Variants in TTC17 observed in about 807,000 individuals in gnomAD.
TTC17 encodes tetratricopeptide repeat protein 17.
TTC17 carries 58 observed loss-of-function variants against 143.8 expected under a neutral mutation model. The observed-to-expected ratio is 0.40, with a 90% CI of 0.33 to 0.50. TTC17 has a LOEUF of 0.50. Among genes scored for constraint, TTC17 ranks in the 20% least tolerant of loss-of-function variants. TTC17 has a pLI of 0.49. For synonymous variants in TTC17, 501 were observed against 497.8 expected, an observed-to-expected ratio of 1.01 and a Z score of -0.09; for missense variants, 1,273 against 1,392.5, an observed-to-expected ratio of 0.91 and a Z score of 1.37.
At chr11:43,474,991 CA>C (rs1162504571) in intron 21 of TTC17, among the ~76,000 whole-genome samples, 2 of 151,976 alleles carry the variant, frequency 1.3e-5, no homozygotes, top group Admixed American at 6.6e-5. Context: ...CTTGCTGTTT[CA>C]GGGGTATTAG....
At chr11:43,420,089 A>G (rs1432836291) in intron 16 of TTC17, among the ~76,000 whole-genome samples, 1 of 152,222 alleles carries the variant, frequency 6.6e-6, no homozygotes, top group Non-Finnish European at 1.5e-5. Flanking sequence ...TATCTTTAAC[A>G]TGTATTTAAC....
rs553752621 is a variant in TTC17, at chr11:43,472,957, C to T, written c.3031-17282C>T. Among the ~76,000 whole-genome samples, 3 of 151,966 alleles carry T rather than the reference C, an allele frequency of 2.0e-5. No homozygotes were observed. The East Asian group carries it at 5.8e-4, about 29-fold the overall frequency. ...TGGGAGGCCAAGACCTGCAGATCACCTGAGGTCAGGAGATCGAGACCAGCC... is the reference window on the plus strand; with the variant it reads ...TGGGAGGCCAAGACCTGCAGATCACTTGAGGTCAGGAGATCGAGACCAGCC... On this transcript the variant is annotated intron_variant, in intron 21 of 23. Transcript: ENST00000039989.
chr11:43,427,776 C>G (rs747088050), intron 16 of TTC17, among the ~76,000 whole-genome samples: 1 of 152,242 alleles, frequency 6.6e-6, no homozygotes, highest in East Asian at 1.9e-4. Context: ...CTCCTAGCTC[C>G]TTGAGTACAG....
chr11:43,375,801 T>C (rs1856744545), intron 1 of TTC17, among the ~76,000 whole-genome samples: 1 of 152,194 alleles, frequency 6.6e-6, no homozygotes, highest in African/African-American at 2.4e-5. Flanking sequence ...ATCAAAAATG[T>C]TTATACTCTT....
chr11:43,390,970 T>C (rs1857362632), intron 3 of TTC17, among the ~76,000 whole-genome samples: 1 of 152,228 alleles, frequency 6.6e-6, no homozygotes, highest in Admixed American at 6.5e-5. Flanking sequence ...CTATTTTCCC[T>C]GTGATTCTTG....
chr11:43,366,393 C>G (rs1397082563), intron 1 of TTC17, among the ~76,000 whole-genome samples: 2 of 151,748 alleles, frequency 1.3e-5, no homozygotes, highest in Admixed American at 6.6e-5. Context: ...GTAATCAAAG[C>G]TACTCGGGAG....
chr11:43,439,470 G>T (rs570175322), intron 16 of TTC17, among the ~76,000 whole-genome samples: 171 of 137,898 alleles, frequency 1.2e-3, no homozygotes, highest in African/African-American at 3.9e-3. Context: ...TTTTTTTTTG[G>T]TTTTTTTTTT....
chr11:43,392,055 T>G, intron 5 of TTC17, 103 bp downstream of exon 5: 1 of 1,355,790 alleles, frequency 7.4e-7, no homozygotes, highest in Non-Finnish European at 9.9e-7. Context: ...TTTGTTTTTA[T>G]CTAGAAGACG....
intron 1 of TTC17, among the ~76,000 whole-genome samples, chr11:43,378,160 C>T (rs1856832423): frequency 6.6e-6 from 1 of 152,176 alleles, no homozygotes. Flanking sequence ...GCCTCGGCCT[C>T]CCAAAGTGCT....
intron 6 of TTC17, 65 bp downstream of exon 6, chr11:43,396,883 A>G (rs1373506330): frequency 2.1e-6 from 2 of 965,070 alleles, no homozygotes; most frequent in South Asian, 1.9e-5. Context: ...GAAACAATAC[A>G]TAAGAAAGCA....
chr11:43,432,982 T>A (rs1947193805), intron 16 of TTC17, among the ~76,000 whole-genome samples: 1 of 149,076 alleles, frequency 6.7e-6, no homozygotes, highest in Non-Finnish European at 1.5e-5. Flanking sequence ...TTTTGTTGGT[T>A]TTTTGGGTGT....
chr11:43,439,261 C>T (rs950348663), intron 16 of TTC17, among the ~76,000 whole-genome samples: 3 of 152,108 alleles, frequency 2.0e-5, no homozygotes, highest in Admixed American at 6.6e-5. Flanking sequence ...ACTGGATCCC[C>T]GTCGACTTCT....
intron 16 of TTC17, among the ~76,000 whole-genome samples, chr11:43,421,903 G>A (rs1239014105): frequency 9.7e-6 from 1 of 103,116 alleles, no homozygotes; most frequent in African/African-American, 3.9e-5. Context: ...GTGACAAAAA[G>A]GTTGGGGACT....
intron 15 of TTC17, among the ~76,000 whole-genome samples, chr11:43,410,101 C>T (rs1662926037): frequency 6.6e-6 from 1 of 152,154 alleles, no homozygotes; most frequent in Non-Finnish European, 1.5e-5. Flanking sequence ...GATCCGCCCG[C>T]CTTGACCTCC....
At chr11:43,433,143 G>A (rs770720764) in intron 16 of TTC17, among the ~76,000 whole-genome samples, 3 of 152,120 alleles carry the variant, frequency 2.0e-5, no homozygotes, top group Non-Finnish European at 2.9e-5. Context: ...TGGGACTACC[G>A]GCATGTGCCA....
intron 16 of TTC17, among the ~76,000 whole-genome samples, chr11:43,440,522 T>C (rs1287650280): frequency 6.6e-6 from 1 of 152,226 alleles, no homozygotes; most frequent in East Asian, 1.9e-4. Context: ...TTTCCTTGTA[T>C]ACCTCTTTAC....
At chr11:43,414,454 A>G in intron 15 of TTC17, 136 bp from the exon 16 acceptor site, 2 of 828,114 alleles carry the variant, frequency 2.4e-6, no homozygotes, top group Non-Finnish European at 3.7e-6. Flanking sequence ...ATTGGCTGGT[A>G]TGAATAAAAT....
In TTC17 at chr11:43,410,267, CAT is replaced by C. The variant is rs1342795355; in HGVS notation, c.2064+2691_2064+2692del. 1.4e-4 allele frequency among the ~76,000 whole-genome samples: 22 copies of C among 152,276 alleles called. No individual in the cohort carries two copies. In the East Asian group the frequency reaches 3.9e-3, roughly 27 times the overall value. On this transcript the variant is annotated intron_variant, in intron 15 of 23. Transcript: ENST00000039989. ...TGATAAACTCTTTAACTCCATCTCT[CAT>C]GTGTTAAAAATATTTTCTCTCTTTG...
At chr11:43,442,092 C>T (rs747075464) in intron 16 of TTC17, among the ~76,000 whole-genome samples, 1 of 152,150 alleles carries the variant, frequency 6.6e-6, no homozygotes, top group Non-Finnish European at 1.5e-5. Context: ...AGGCTACAAA[C>T]CTCTACAGCA....
Sources: allele counts gnomAD v4.1 joint callset (sites outside exome capture counted in the v4.1 genomes callset), GRCh38; gene constraint gnomAD v4.1.1; transcripts MANE v1.5; gene names NCBI Gene and HGNC (gene_info 2026-07-23, HGNC 2026-07-21).